Variants in SYNE1 observed in about 807,000 individuals in gnomAD.
SYNE1 encodes the protein spectrin repeat containing nuclear envelope protein 1.
In SYNE1, 616 loss-of-function variants were observed where a neutral mutation model predicts 1,111.0. That is an observed-to-expected ratio of 0.55 (90% CI 0.52 to 0.59). The LOEUF is 0.59. Among genes scored for constraint, SYNE1 ranks in the 20% least tolerant of loss-of-function variants. SYNE1 has a pLI of 0.00. For missense variants in SYNE1, 10,006 were observed against 10,417.0 expected (o/e 0.96, Z 1.72); for synonymous variants, 3,855 against 3,825.8 (o/e 1.01, Z -0.28).
Position 152,301,982 on chromosome 6 carries a change from T to C in SYNE1, c.17428A>G (p.Lys5810Glu). Residue 5810 changes from lysine to glutamate, a missense_variant, in exon 92 of 146, where the codon AAG (lysine) becomes GAG (glutamate). Around this residue, in one of 7 missense-constraint regions of SYNE1, gnomAD observed 4,955 missense variants for 5,017.2 expected, o/e 0.99. Coordinates refer to ENST00000367255, the MANE Select transcript of SYNE1 (RefSeq NM_182961.4). ...ACCGTCAGCAGCATGGTGGCGTGCT[T>C]GGCTTTCATCGTCAGCATCTTGCAC... is the stretch of plus-strand genomic sequence containing the variant. ...SKCKMLTMKAKHATMLLTVTE... is the reference protein window; with the variant it reads ...SKCKMLTMKAEHATMLLTVTE... 1 of 1,614,214 alleles carries C rather than the reference T, an allele frequency of 6.2e-7. No homozygotes were observed. Among genetic ancestry groups the C allele is most frequent in the Non-Finnish European group, 8.5e-7 (1 of 1,180,028 alleles).
rs200907035 is a variant in SYNE1, at chr6:152,303,417, G to A, written c.17347-1354C>T. Reference sequence around the variant, plus strand: ...GACTCTGTCTCAAAAAAAAAAAAAAGAACACATTTTGTGACAAAAATATTA... The same window carrying A: ...GACTCTGTCTCAAAAAAAAAAAAAAAAACACATTTTGTGACAAAAATATTA... On this transcript the variant is annotated intron_variant, in intron 91 of 145. Transcript: ENST00000367255. Among the ~76,000 whole-genome samples, 493 of 134,304 alleles carry A rather than the reference G, an allele frequency of 3.7e-3. 8 individuals carry two copies. The highest frequency in any genetic ancestry group is 0.032 in the East Asian group (153 of 4,732). The allele number at this position is 134,304 out of a possible 152,430, so 88.1% of individuals were successfully genotyped here.
chr6:152,186,895 C>T (rs184462204), intron 128 of SYNE1, among the ~76,000 whole-genome samples: 126 of 152,210 alleles, frequency 8.3e-4, no homozygotes, highest in African/African-American at 2.9e-3. Flanking sequence ...TGATAATTTC[C>T]CACAATTTGT....
At chr6:152,138,736 A>G (rs2057709549) in intron 140 of SYNE1, among the ~76,000 whole-genome samples, 1 of 152,074 alleles carries the variant, frequency 6.6e-6, no homozygotes, top group Non-Finnish European at 1.5e-5. Flanking sequence ...CTGTCCAAAC[A>G]GGAAAAAACA....
chr6:152,278,530 T>C (rs1234099088), intron 97 of SYNE1, among the ~76,000 whole-genome samples: 1 of 151,740 alleles, frequency 6.6e-6, no homozygotes, highest in Non-Finnish European at 1.5e-5. Context: ...TGGAGCGATC[T>C]TGACTCACTG....
chr6:152,191,233 CT>C (rs34434403), intron 127 of SYNE1, among the ~76,000 whole-genome samples: 20,438 of 139,984 alleles, frequency 0.15, 1,600 homozygotes, highest in African/African-American at 0.26. Flanking sequence ...TATAATTTTC[CT>C]TTTTTTTTTT....
At chr6:152,349,599 C>T (rs573081339) in intron 72 of SYNE1, among the ~76,000 whole-genome samples, 24 of 152,304 alleles carry the variant, frequency 1.6e-4, no homozygotes, top group African/African-American at 4.8e-4. Context: ...AGAAGTTCAA[C>T]GCGAGGATTC....
At chr6:152,539,452 G>C (rs2099259028) in intron 4 of SYNE1, among the ~76,000 whole-genome samples, 1 of 152,122 alleles carries the variant, frequency 6.6e-6, no homozygotes, top group Non-Finnish European at 1.5e-5. Context: ...TAATATCAGT[G>C]AATGACAGAG....
rs189377656 is a variant in SYNE1, at chr6:152,630,818, T to C, written c.-223-2264A>G. 3.9e-5 allele frequency among the ~76,000 whole-genome samples: 6 copies of C among 152,294 alleles called. No homozygotes were observed. In the East Asian group the frequency reaches 1.2e-3, roughly 29 times the overall value. On this transcript the variant is annotated intron_variant, in intron 2 of 145. Coordinates refer to ENST00000367255, the MANE Select transcript of SYNE1 (RefSeq NM_182961.4). ...TTAAAAGGGATTTCAGTTAAATCAT[T>C]GCAACAGAAATCACTCTGCCTCTAT...
In SYNE1 at chr6:152,510,330, C is replaced by A. The variant is rs1231768981; in HGVS notation, c.444G>T (p.Leu148Phe). 1 of 1,614,050 alleles carries A rather than the reference C, an allele frequency of 6.2e-7. No homozygotes were observed. Among genetic ancestry groups the A allele is most frequent in the Admixed American group, 1.7e-5 (1 of 59,998 alleles). ...TGTCCACGGAGGATGCGCTGCTGGA[C>A]AAAGACTGGAGCTGGGGCAGGTTGC... ...LTSNLPQLQS[L>F]SSSASSVDSI... Residue 148 changes from leucine (L) to phenylalanine (F), a missense_variant, in exon 8 of 146, where the codon TTG (leucine) becomes TTT (phenylalanine). Transcript: ENST00000367255.
At chr6:152,431,279 G>A (rs1340951214) in intron 34 of SYNE1, among the ~76,000 whole-genome samples, 3 of 152,066 alleles carry the variant, frequency 2.0e-5, no homozygotes, top group Admixed American at 6.6e-5. Context: ...CCTATTCTCC[G>A]GGATTCAGAC....
Position 152,373,187 on chromosome 6 carries a change from G to T in SYNE1, c.9357C>A (p.His3119Gln). Residue 3119 changes from histidine to glutamine, a missense_variant, in exon 59 of 146, where the codon CAC becomes CAA. By Grantham distance (24) the His-to-Gln change is conservative. This residue lies in a region of SYNE1 where 4,955 missense variants were observed against 5,017.2 expected (regional missense o/e 0.99). Coordinates refer to ENST00000367255, the MANE Select transcript of SYNE1 (RefSeq NM_182961.4). ...EFLSESENGQ[H>Q]KLNMMLSKGE... Reference sequence around the variant, plus strand: ...CTTTAGACAGCATCATGTTTAGCTTGTGCTGTCCATTTTCACTTTCTGACA... The same window carrying T: ...CTTTAGACAGCATCATGTTTAGCTTTTGCTGTCCATTTTCACTTTCTGACA... 1 of 1,613,178 alleles carries T rather than the reference G, an allele frequency of 6.2e-7. No homozygotes were observed.
chr6:152,406,867 G>A, intron 45 of SYNE1, 147 bp downstream of exon 45: 1 of 435,068 alleles, frequency 2.3e-6, no homozygotes, highest in Non-Finnish European at 3.2e-6. Context: ...GCAAAACTTT[G>A]CCTAAAATAA....
At position 152,479,178 on chromosome 6, in the gene SYNE1, G is replaced by A. The variant is rs147458425; in HGVS notation, c.1350+3907C>T. On this transcript the variant is annotated intron_variant, in intron 14 of 145. Transcript: ENST00000367255. Reference sequence around the variant, plus strand: ...GAGTGAGTGGCTAGGGTTGGGTGTAGGACAGGATCCTGGGGGAAGAGGTCA... The same window carrying A: ...GAGTGAGTGGCTAGGGTTGGGTGTAAGACAGGATCCTGGGGGAAGAGGTCA... 3.0e-3 allele frequency among the ~76,000 whole-genome samples: 450 copies of A among 152,248 alleles called. 4 individuals carry two copies. The highest frequency in any genetic ancestry group is 0.01 in the African/African-American group (431 of 41,552).
chr6:152,310,482 G>A lies in SYNE1; in HGVS notation c.16933C>T (p.Gln5645Ter). The A allele has an allele frequency of 6.2e-7, 1 of 1,614,090 alleles. No individual in the cohort carries two copies. The highest frequency in any genetic ancestry group is 1.1e-5 in the South Asian group (1 of 91,078). ...KKFEAELKKL[Q>*]AALEQAQATL... ...GCCTGGGCTTGCTCCAAGGCAGCTT[G>A]TAACTTTTTCAACTCTGCTTCAAAT... Residue 5645 changes from glutamine to a stop codon, truncating the protein, a stop_gained, in exon 89 of 146, where the codon CAA (glutamine) becomes TAA (stop). Coordinates refer to ENST00000367255, the MANE Select transcript of SYNE1 (RefSeq NM_182961.4). LOFTEE classifies it high-confidence loss of function.
At chr6:152,180,320 G>A (rs957881080) in intron 128 of SYNE1, 26 bp from the exon 129 acceptor site, 2 of 1,612,358 alleles carry the variant, frequency 1.2e-6, no homozygotes, top group Non-Finnish European at 1.7e-6. Flanking sequence ...TGGGAGAATA[G>A]GCAAAATGAT....
intron 3 of SYNE1, among the ~76,000 whole-genome samples, chr6:152,584,982 T>A (rs745323508): frequency 6.6e-6 from 1 of 152,178 alleles, no homozygotes; most frequent in Non-Finnish European, 1.5e-5. Context: ...ATCCAAATCT[T>A]ATCTTGAATT....
rs1196008603 is a variant in SYNE1 at position 152,636,753 on chromosome 6, G to C, written c.-339C>G. ...CCCGGGGATGCGCGGCTGTCCGCCC[G>C]CCCTGTCGCCGGGATCGGGCGCGGT... is the stretch of plus-strand genomic sequence containing the variant. On this transcript the variant is annotated 5_prime_UTR_variant, in exon 2 of 146. Transcript: ENST00000367255. The C allele has an allele frequency of 4.6e-5, 7 of 152,226 alleles. No homozygotes were observed. Among genetic ancestry groups the C allele is most frequent in the Non-Finnish European group, 8.8e-5 (6 of 68,062 alleles). The allele number at this position is 152,226 out of a possible 1,614,324, so 9.4% of individuals were successfully genotyped here. A position where few individuals can be genotyped will look rare whatever the true frequency, so the allele number is the denominator to read the frequency against.
chr6:152,625,778 C>T (rs1007885691), intron 3 of SYNE1, among the ~76,000 whole-genome samples: 7 of 152,144 alleles, frequency 4.6e-5, no homozygotes, highest in African/African-American at 1.7e-4. Context: ...GAAAAATTTG[C>T]AGGAAAAAAT....
chr6:152,592,633 A>G (rs1489314526), intron 3 of SYNE1, among the ~76,000 whole-genome samples: 1 of 152,164 alleles, frequency 6.6e-6, no homozygotes, highest in African/African-American at 2.4e-5. Context: ...GGGTGATGGG[A>G]TCTGTACTCC....
Sources: gnomAD v4.1 joint callset for allele counts (sites outside exome capture counted in the v4.1 genomes callset) on GRCh38, gnomAD v4.1.1 for gene constraint, gnomAD v4.1.1 regional missense constraint, MANE v1.5 for transcripts, NCBI Gene and HGNC (gene_info 2026-07-23, HGNC 2026-07-21) for gene names.